The following DLG2 variants were observed in gnomAD, a reference collection of about 807,000 sequenced individuals.
The protein encoded by DLG2 is discs large MAGUK scaffold protein 2.
In DLG2, 45 loss-of-function variants were observed where a neutral mutation model predicts 132.5. That is an observed-to-expected ratio of 0.34 (90% CI 0.27 to 0.44). The LOEUF is 0.44. Ranked by LOEUF, DLG2 falls within the 20% of genes least tolerant of loss-of-function variation. The pLI, the probability that DLG2 is intolerant of heterozygous loss-of-function variation, is 1.00. For missense variants in DLG2, 1,045 were observed against 1,196.9 expected (o/e 0.87, Z 1.87); for synonymous variants, 424 against 419.6 (o/e 1.01, Z -0.13).
At chr11:84,082,554 T>G (rs184006504) in intron 10 of DLG2, among the ~76,000 whole-genome samples, 2 of 152,334 alleles carry the variant, frequency 1.3e-5, no homozygotes, top group East Asian at 3.9e-4. Context: ...TAAAAGAATA[T>G]GGGTGTCACT....
At chr11:84,372,509 T>C (rs1020264003) in intron 7 of DLG2, among the ~76,000 whole-genome samples, 2 of 152,226 alleles carry the variant, frequency 1.3e-5, no homozygotes, top group African/African-American at 4.8e-5. Context: ...ATAAAAATTA[T>C]AGCTTTAACT....
At chr11:85,520,038 C>T (rs985752484) in intron 3 of DLG2, among the ~76,000 whole-genome samples, 3 of 145,812 alleles carry the variant, frequency 2.1e-5, no homozygotes, top group South Asian at 4.5e-4. Context: ...ATGCACCTGG[C>T]TAATTTTTTT....
intron 3 of DLG2, among the ~76,000 whole-genome samples, chr11:85,560,861 G>A (rs540028041): frequency 2.7e-5 from 4 of 150,222 alleles, no homozygotes; most frequent in East Asian, 2.0e-4. Context: ...GTGAGATATC[G>A]TCTCTACAAA....
intron 11 of DLG2, among the ~76,000 whole-genome samples, chr11:83,983,328 T>G (rs751219054): frequency 8.5e-5 from 13 of 152,080 alleles, no homozygotes; most frequent in Non-Finnish European, 1.5e-4. Flanking sequence ...AGACATAATT[T>G]CTATAGCTTA....
intron 19 of DLG2, among the ~76,000 whole-genome samples, chr11:83,597,540 A>G (rs1026530834): frequency 6.6e-6 from 1 of 152,002 alleles, no homozygotes; most frequent in African/African-American, 2.4e-5. Flanking sequence ...ATAAATAAAT[A>G]AACAAAATTA....
At chr11:84,921,267 T>G (rs928885566) in intron 6 of DLG2, among the ~76,000 whole-genome samples, 2 of 152,158 alleles carry the variant, frequency 1.3e-5, no homozygotes, top group Non-Finnish European at 2.9e-5. Flanking sequence ...GTGCAAGAGC[T>G]AATTACTGAA....
rs983333053 is a variant in DLG2 at position 85,626,745 on chromosome 11, C to G, written c.-251G>C. ...TCAGTGTTCAGTTTTGAAATCCAGG[C>G]TGAGTCTTCTATGTCAGACAAAGAA... On this transcript the variant is annotated 5_prime_UTR_variant, in exon 2 of 28. Coordinates refer to ENST00000376104, the MANE Select transcript of DLG2 (RefSeq NM_001142699.3). 11 of 152,170 alleles carry G rather than the reference C, an allele frequency of 7.2e-5. No homozygotes were observed. Among genetic ancestry groups the G allele is most frequent in the African/African-American group, 2.7e-4 (11 of 41,430 alleles). 9.4% of individuals were successfully genotyped at this position (152,170 alleles called of 1,614,324 possible). A position where few individuals can be genotyped will look rare whatever the true frequency, so the allele number is the denominator to read the frequency against.
intron 18 of DLG2, among the ~76,000 whole-genome samples, chr11:83,668,657 ATATATG>A (rs1365336129): frequency 1.3e-5 from 2 of 151,384 alleles, no homozygotes; most frequent in Non-Finnish European, 2.9e-5. Flanking sequence ...ATGTGTATGT[ATATATG>A]TATAAGTATA....
chr11:85,388,149 G>A (rs1239142464), intron 3 of DLG2, among the ~76,000 whole-genome samples: 1 of 152,088 alleles, frequency 6.6e-6, no homozygotes, highest in East Asian at 1.9e-4. Flanking sequence ...GGCTGCAGGT[G>A]GCATGGGAGC....
intron 21 of DLG2, among the ~76,000 whole-genome samples, chr11:83,488,439 A>G (rs897341344): frequency 6.6e-6 from 1 of 152,030 alleles, no homozygotes; most frequent in African/African-American, 2.4e-5. Flanking sequence ...GGCTTAAGAT[A>G]AAATACATGC....
intron 6 of DLG2, among the ~76,000 whole-genome samples, chr11:85,066,244 C>G (rs1347687382): frequency 6.6e-6 from 1 of 151,320 alleles, no homozygotes; most frequent in African/African-American, 2.4e-5. Context: ...CCAAGAATGA[C>G]CAGGAAGAAA....
At chr11:84,898,910 C>A (rs1207110762) in intron 6 of DLG2, among the ~76,000 whole-genome samples, 1 of 152,010 alleles carries the variant, frequency 6.6e-6, no homozygotes, top group Non-Finnish European at 1.5e-5. Context: ...CACTTTATAA[C>A]AATTATTCAT....
intron 6 of DLG2, among the ~76,000 whole-genome samples, chr11:84,907,936 C>A (rs1489618317): frequency 6.6e-6 from 1 of 152,112 alleles, no homozygotes; most frequent in African/African-American, 2.4e-5. Flanking sequence ...ATCTAGCATT[C>A]AATGGTTGTG....
chr11:85,598,598 T>A, intron 3 of DLG2, 59 bp downstream of exon 3: 1 of 1,317,094 alleles, frequency 7.6e-7, no homozygotes, highest in Non-Finnish European at 1.0e-6. Context: ...ACCACATTAT[T>A]CAAACTATCA....
intron 3 of DLG2, among the ~76,000 whole-genome samples, chr11:85,561,973 G>A (rs1468721678): frequency 3.3e-5 from 5 of 151,790 alleles, no homozygotes; most frequent in African/African-American, 1.2e-4. Context: ...TAGAGTAAAG[G>A]CGCAAGGTTA....
intron 6 of DLG2, among the ~76,000 whole-genome samples, chr11:85,016,640 T>C (rs2059601781): frequency 6.6e-6 from 1 of 152,178 alleles, no homozygotes; most frequent in Non-Finnish European, 1.5e-5. Context: ...GAGCAATTTC[T>C]ATGTAGTCAG....
chr11:84,502,836 G>A (rs2099225221), intron 7 of DLG2, among the ~76,000 whole-genome samples: 1 of 151,856 alleles, frequency 6.6e-6, no homozygotes, highest in Admixed American at 6.6e-5. Flanking sequence ...ATATGCAAGG[G>A]GAGAAAAAGA....
intron 18 of DLG2, among the ~76,000 whole-genome samples, chr11:83,633,848 G>A (rs145221889): frequency 6.6e-6 from 1 of 151,358 alleles, no homozygotes; most frequent in African/African-American, 2.4e-5. Flanking sequence ...GTGATAATAT[G>A]CAATAGTTTT....
At chr11:85,419,815 C>G (rs2090151123) in intron 3 of DLG2, among the ~76,000 whole-genome samples, 1 of 152,304 alleles carries the variant, frequency 6.6e-6, no homozygotes, top group East Asian at 1.9e-4. Flanking sequence ...ACTGGTTATT[C>G]TAGTTAGCAA....
Sources: gnomAD v4.1 joint callset for allele counts (sites outside exome capture counted in the v4.1 genomes callset) on GRCh38, gnomAD v4.1.1 for gene constraint, MANE v1.5 for transcripts, NCBI Gene and HGNC (gene_info 2026-07-23, HGNC 2026-07-21) for gene names.